Variants in ANGPT2 observed in about 807,000 individuals in gnomAD.
ANGPT2 encodes angiopoietin-2.
In ANGPT2, 28 loss-of-function variants were observed where a neutral mutation model predicts 62.9. That is an observed-to-expected ratio of 0.44 (90% CI 0.33 to 0.61). ANGPT2 has a LOEUF of 0.61. ANGPT2 is among the 20% of genes least tolerant of loss of function. ANGPT2 has a pLI of 0.03. For missense variants in ANGPT2, 727 were observed against 594.9 expected (o/e 1.22, Z -2.31); for synonymous variants, 284 against 207.8 (o/e 1.37, Z -3.15).
chr8:6,526,543 G>C (rs571559310), intron 3 of ANGPT2, among the ~76,000 whole-genome samples: 1 of 152,120 alleles, frequency 6.6e-6, no homozygotes, highest in South Asian at 2.1e-4. Flanking sequence ...AAACATGAAA[G>C]AAAAATATTT....
At chr8:6,539,357 C>T (rs376366652) in intron 1 of ANGPT2, among the ~76,000 whole-genome samples, 1 of 152,184 alleles carries the variant, frequency 6.6e-6, no homozygotes, top group African/African-American at 2.4e-5. Context: ...TTGGCCTTTT[C>T]TTCACGTTCA....
intron 2 of ANGPT2, among the ~76,000 whole-genome samples, chr8:6,530,989 T>A (rs984218107): frequency 4.0e-5 from 6 of 148,834 alleles, no homozygotes; most frequent in African/African-American, 1.3e-4. Context: ...TTGTTTCACT[T>A]AAATCTGCTC....
chr8:6,513,666 G>T lies in ANGPT2; in HGVS notation c.1196+12C>A, dbSNP rs1815658161. On this transcript the variant is annotated intron_variant, in intron 7 of 8. Transcript: ENST00000629816. ...TTTAATTTTTTCTTTCAATTACCAT[G>T]AACTCACTTACCTATAATTGAGTTC... is the stretch of plus-strand genomic sequence containing the variant. The T allele has an allele frequency of 1.9e-6, 3 of 1,598,288 alleles. No individual in the cohort carries two copies. The highest frequency in any genetic ancestry group is 2.7e-5 in the African/African-American group (2 of 73,902).
At chr8:6,516,454 C>T (rs1231204655) in intron 5 of ANGPT2, among the ~76,000 whole-genome samples, 1 of 152,088 alleles carries the variant, frequency 6.6e-6, no homozygotes, top group Non-Finnish European at 1.5e-5. Flanking sequence ...TTTTTTTCCA[C>T]TGACATCATG....
chr8:6,554,162 T>C (rs6991221), intron 1 of ANGPT2, among the ~76,000 whole-genome samples: 15,642 of 150,086 alleles, frequency 0.1, 2,218 homozygotes, highest in African/African-American at 0.33. Flanking sequence ...AGTAGTCTTA[T>C]CACCAGATTA....
intron 2 of ANGPT2, among the ~76,000 whole-genome samples, chr8:6,529,362 A>G (rs541206899): frequency 6.6e-6 from 1 of 152,282 alleles, no homozygotes; most frequent in African/African-American, 2.4e-5. Flanking sequence ...AGTCTGTTTC[A>G]CAAAATCAGT....
At chr8:6,562,551 TC>T in intron 1 of ANGPT2, 95 bp downstream of exon 1, 1 of 244,234 alleles carries the variant, frequency 4.1e-6, no homozygotes, top group Non-Finnish European at 7.1e-6. Context: ...TCATCCTCCT[TC>T]TTTTTTTTTT....
chr8:6,509,627 C>G (rs1814549514), intron 7 of ANGPT2, among the ~76,000 whole-genome samples: 1 of 152,136 alleles, frequency 6.6e-6, no homozygotes, highest in South Asian at 2.1e-4. Flanking sequence ...GAGAAAGGAA[C>G]AAATGTCGGA....
chr8:6,513,389 G>A (rs1039386592), intron 7 of ANGPT2, among the ~76,000 whole-genome samples: 2 of 145,982 alleles, frequency 1.4e-5, no homozygotes, highest in Admixed American at 7.1e-5. Flanking sequence ...TTGCAGTGCC[G>A]TGGCACGATC....
intron 1 of ANGPT2, among the ~76,000 whole-genome samples, chr8:6,533,832 C>A (rs1287601310): frequency 2.0e-5 from 3 of 152,032 alleles, no homozygotes; most frequent in Admixed American, 6.6e-5. Flanking sequence ...AAATGTTAAC[C>A]ACTAAATAAT....
intron 8 of ANGPT2, among the ~76,000 whole-genome samples, chr8:6,504,186 C>T (rs1431038110): frequency 2.0e-5 from 3 of 151,638 alleles, no homozygotes; most frequent in Non-Finnish European, 2.9e-5. Context: ...GGCGTGGTGG[C>T]GGACGCCTGT....
chr8:6,537,291 G>C (rs1450895346), intron 1 of ANGPT2, among the ~76,000 whole-genome samples: 1 of 152,148 alleles, frequency 6.6e-6, no homozygotes, highest in Non-Finnish European at 1.5e-5. Context: ...TGCGAGGACA[G>C]TGTGTGTTTA....
intron 1 of ANGPT2, among the ~76,000 whole-genome samples, chr8:6,541,916 G>C (rs922299528): frequency 1.3e-5 from 2 of 151,752 alleles, no homozygotes; most frequent in Non-Finnish European, 2.9e-5. Flanking sequence ...GCTAAGGTGG[G>C]AGGATTGCTT....
At chr8:6,544,530 A>T (rs2129574293) in intron 1 of ANGPT2, among the ~76,000 whole-genome samples, 1 of 152,320 alleles carries the variant, frequency 6.6e-6, no homozygotes, top group East Asian at 1.9e-4. Flanking sequence ...GATGTTTCCA[A>T]GTCATTTTCG....
chr8:6,557,484 G>C (rs560001164), intron 1 of ANGPT2, among the ~76,000 whole-genome samples: 2 of 152,168 alleles, frequency 1.3e-5, no homozygotes, highest in South Asian at 4.1e-4. Flanking sequence ...AATAATTCTA[G>C]AATAATTTAG....
At chr8:6,559,523 G>A (rs1385113224) in intron 1 of ANGPT2, among the ~76,000 whole-genome samples, 4 of 151,642 alleles carry the variant, frequency 2.6e-5, no homozygotes, top group Non-Finnish European at 4.4e-5. Context: ...AACAAAAAAC[G>A]ATGGCAGAGG....
intron 1 of ANGPT2, among the ~76,000 whole-genome samples, chr8:6,533,701 T>C (rs910737666): frequency 2.6e-5 from 4 of 152,070 alleles, no homozygotes; most frequent in Admixed American, 6.5e-5. Context: ...CAAACATTGT[T>C]TATTACATTG....
intron 1 of ANGPT2, among the ~76,000 whole-genome samples, chr8:6,552,591 T>G (rs1434582075): frequency 6.6e-6 from 1 of 152,194 alleles, no homozygotes; most frequent in Non-Finnish European, 1.5e-5. Flanking sequence ...CTTTCTGGTG[T>G]TCCTATTAAA....
chr8:6,513,355 C>T (rs981162820), intron 7 of ANGPT2, among the ~76,000 whole-genome samples: 3 of 142,532 alleles, frequency 2.1e-5, no homozygotes, highest in Non-Finnish European at 4.5e-5. Context: ...TTTTTTGAGA[C>T]GGAGTCTTGC....
Sources: allele counts gnomAD v4.1 joint callset (sites outside exome capture counted in the v4.1 genomes callset), GRCh38; gene constraint gnomAD v4.1.1; transcripts MANE v1.5; gene names NCBI Gene and HGNC (gene_info 2026-07-23, HGNC 2026-07-21).